The following UMAD1 variants were observed in gnomAD, a reference collection of about 807,000 sequenced individuals.
UMAD1 encodes UBAP1-MVB12-associated (UMA) domain containing 1, also known as UBAP1-MVB12-associated (UMA)-domain containing protein 1.
A neutral mutation model predicts 6.1 loss-of-function variants in UMAD1; 8 were observed. That is an observed-to-expected ratio of 1.30 (90% CI 0.76 to 2.35). The LOEUF (loss-of-function observed/expected upper bound fraction) is 2.35. UMAD1 is among the 30% of genes most tolerant of loss of function. UMAD1 has a pLI of 0.00. For missense variants in UMAD1, 130 were observed against 78.4 expected (o/e 1.66, Z -2.49); for synonymous variants, 56 against 31.4 (o/e 1.78, Z -2.61).
intron 2 of UMAD1, among the ~76,000 whole-genome samples, chr7:7,732,576 C>T (rs962011800): frequency 6.6e-6 from 1 of 152,100 alleles, no homozygotes; most frequent in Non-Finnish European, 1.5e-5. Context: ...TCAACATAAC[C>T]ACCAGTTTTT....
chr7:7,789,587 A>G (rs79005964), intron 2 of UMAD1, among the ~76,000 whole-genome samples: 1,933 of 150,886 alleles, frequency 0.013, 35 homozygotes, highest in East Asian at 0.081. Context: ...CTAAAACTGA[A>G]ACTCTGTACT....
chr7:7,672,163 C>T (rs1400389716), intron 1 of UMAD1, among the ~76,000 whole-genome samples: 1 of 152,190 alleles, frequency 6.6e-6, no homozygotes, highest in African/African-American at 2.4e-5. Flanking sequence ...AAAACTAAAA[C>T]TTGGAGCACT....
At chr7:7,797,073 T>C (rs573299154) in intron 2 of UMAD1, among the ~76,000 whole-genome samples, 3 of 152,316 alleles carry the variant, frequency 2.0e-5, no homozygotes, top group African/African-American at 7.2e-5. Context: ...CTGCAGGCTC[T>C]ACAGGAAGCA....
chr7:7,819,602 T>C (rs1278358133), intron 3 of UMAD1, among the ~76,000 whole-genome samples: 3 of 152,192 alleles, frequency 2.0e-5, no homozygotes, highest in Non-Finnish European at 4.4e-5. Context: ...CCTGTTGACA[T>C]GGAGAACCAA....
intron 3 of UMAD1, among the ~76,000 whole-genome samples, chr7:7,876,377 TAA>T (rs1784420297): frequency 6.6e-6 from 1 of 152,138 alleles, no homozygotes; most frequent in Admixed American, 6.5e-5. Flanking sequence ...TAGGCCTCTG[TAA>T]AGACTTGGGA....
At chr7:7,746,340 T>G (rs1261323988) in intron 2 of UMAD1, among the ~76,000 whole-genome samples, 1 of 152,180 alleles carries the variant, frequency 6.6e-6, no homozygotes, top group Non-Finnish European at 1.5e-5. Flanking sequence ...ATGATATAGT[T>G]AATTAAACAA....
At chr7:7,858,182 G>A (rs900077632) in intron 3 of UMAD1, among the ~76,000 whole-genome samples, 1 of 152,330 alleles carries the variant, frequency 6.6e-6, no homozygotes, top group South Asian at 2.1e-4. Context: ...ACTGATAACG[G>A]TGGTAGTAGA....
At chr7:7,783,546 G>A (rs1251055858) in intron 2 of UMAD1, among the ~76,000 whole-genome samples, 3 of 152,204 alleles carry the variant, frequency 2.0e-5, no homozygotes, top group African/African-American at 4.8e-5. Context: ...GTTTGGAAAT[G>A]AGGATGAAGG....
intron 3 of UMAD1, among the ~76,000 whole-genome samples, chr7:7,859,949 A>T (rs1398418053): frequency 6.6e-6 from 1 of 152,174 alleles, no homozygotes; most frequent in Non-Finnish European, 1.5e-5. Context: ...AAATTTATTA[A>T]GCTATGTGAA....
At chr7:7,702,436 A>T (rs1780482992) in intron 2 of UMAD1, among the ~76,000 whole-genome samples, 1 of 152,078 alleles carries the variant, frequency 6.6e-6, no homozygotes, top group African/African-American at 2.4e-5. Flanking sequence ...TATAATACGA[A>T]AATTCTGGTT....
intron 3 of UMAD1, among the ~76,000 whole-genome samples, chr7:7,875,788 A>T (rs766001267): frequency 6.6e-6 from 1 of 152,250 alleles, no homozygotes; most frequent in Non-Finnish European, 1.5e-5. Context: ...AACATGAGCT[A>T]CAAAAGCTTC....
intron 2 of UMAD1, among the ~76,000 whole-genome samples, chr7:7,783,197 A>T (rs1195642726): frequency 6.6e-6 from 1 of 152,232 alleles, no homozygotes; most frequent in African/African-American, 2.4e-5. Flanking sequence ...CATCTTGTCT[A>T]AGTTTGTAAA....
chr7:7,715,652 G>A (rs915159538), intron 2 of UMAD1, among the ~76,000 whole-genome samples: 3 of 152,042 alleles, frequency 2.0e-5, no homozygotes, highest in Non-Finnish European at 4.4e-5. Context: ...TGAAAATAAA[G>A]ATCCACAAAT....
At position 7,794,919 on chromosome 7, in the gene UMAD1, C is replaced by T. The variant is rs117187654; in HGVS notation, c.83-6751C>T. 6.0e-3 allele frequency among the ~76,000 whole-genome samples: 916 copies of T among 152,308 alleles called. 7 individuals are homozygous for T. The highest frequency in any genetic ancestry group is 0.01 in the Middle Eastern group (3 of 292). On this transcript the variant is annotated intron_variant, in intron 2 of 3. Coordinates refer to ENST00000682710, the MANE Select transcript of UMAD1 (RefSeq NM_001302348.2). Reference sequence around the variant, plus strand: ...GGCTGTTACCTGAAGGCGTCATCTACTTAACAAGAACCTTGGCTTCCACAA... The same window carrying T: ...GGCTGTTACCTGAAGGCGTCATCTATTTAACAAGAACCTTGGCTTCCACAA...
At chr7:7,675,926 C>G (rs1042647925) in intron 2 of UMAD1, among the ~76,000 whole-genome samples, 4 of 152,176 alleles carry the variant, frequency 2.6e-5, no homozygotes, top group African/African-American at 9.7e-5. Flanking sequence ...TCATTTCCCC[C>G]CAGGTGCAAA....
chr7:7,845,522 A>T (rs188540024), intron 3 of UMAD1, among the ~76,000 whole-genome samples: 58 of 152,192 alleles, frequency 3.8e-4, no homozygotes, highest in African/African-American at 1.3e-3. Flanking sequence ...TTCTCAGTGA[A>T]ACTAGCTTTT....
At chr7:7,718,756 TAGGC>T (rs1780982807) in intron 2 of UMAD1, 1 of 152,200 alleles carries the variant, frequency 6.6e-6, no homozygotes, top group Non-Finnish European at 1.5e-5. Flanking sequence ...CTGCATGAGA[TAGGC>T]AGGAACCTTT....
intron 3 of UMAD1, among the ~76,000 whole-genome samples, chr7:7,872,072 C>T (rs990886375): frequency 6.6e-6 from 1 of 150,440 alleles, no homozygotes; most frequent in Non-Finnish European, 1.5e-5. Context: ...GTCTGCTCTA[C>T]TCAGCCATAA....
At chr7:7,700,049 CT>C (rs1780419061) in intron 2 of UMAD1, among the ~76,000 whole-genome samples, 1 of 152,174 alleles carries the variant, frequency 6.6e-6, no homozygotes, top group African/African-American at 2.4e-5. Flanking sequence ...ATAACTACTT[CT>C]GTGGAGGGTG....
Sources: gnomAD v4.1 joint callset for allele counts (sites outside exome capture counted in the v4.1 genomes callset) on GRCh38, gnomAD v4.1.1 for gene constraint, MANE v1.5 for transcripts, NCBI Gene and HGNC (gene_info 2026-07-23, HGNC 2026-07-21) for gene names.